The following SEH1L variants were observed in gnomAD, a reference collection of about 807,000 sequenced individuals.
SEH1L encodes the protein nucleoporin SEH1.
In SEH1L, 18 loss-of-function variants were observed where a neutral mutation model predicts 49.5. The observed-to-expected ratio is 0.36, with a 90% CI of 0.25 to 0.54. The LOEUF (loss-of-function observed/expected upper bound fraction) is 0.54. Among genes scored for constraint, SEH1L ranks in the 20% least tolerant of loss-of-function variants. The pLI is 0.87. For missense variants in SEH1L, 404 were observed against 528.8 expected, an observed-to-expected ratio of 0.76 and a Z score of 2.31; for synonymous variants, 169 against 178.1, an observed-to-expected ratio of 0.95 and a Z score of 0.41.
chr18:12,971,218 A>G lies in SEH1L; in HGVS notation c.587A>G (p.Lys196Arg). The G allele has an allele frequency of 6.2e-7, 1 of 1,613,890 alleles. No homozygotes were observed. ...SDDSSPNAMA[K>R]VQIFEYNENT... is the part of the protein sequence containing the mutation. ...GACAGTAGCCCCAACGCAATGGCCA[A>G]GGTTCAGATTTTTGAATATAATGAA... is the stretch of plus-strand genomic sequence containing the variant. Residue 196 changes from lysine (K) to arginine (R), a missense_variant, in exon 5 of 9, where the codon AAG becomes AGG. Lys to Arg is a conservative substitution (Grantham distance 26, BLOSUM62 2). This residue lies in a region of SEH1L where 342 missense variants were observed against 430.8 expected (regional missense o/e 0.79). Coordinates refer to ENST00000399892, the MANE Select transcript of SEH1L (RefSeq NM_001013437.2).
intron 5 of SEH1L, chr18:12,977,105 G>C (rs1230706519): frequency 6.6e-6 from 1 of 152,274 alleles, no homozygotes; most frequent in Non-Finnish European, 1.5e-5. Flanking sequence ...GATTGCTTAG[G>C]GTGATTGGAT....
chr18:12,949,756 G>A (rs114127185), intron 1 of SEH1L, among the ~76,000 whole-genome samples: 2,693 of 151,994 alleles, frequency 0.018, 75 homozygotes, highest in African/African-American at 0.061. Flanking sequence ...CCCGGCCCAC[G>A]TTAACCGTTT....
At chr18:12,983,345 G>A (rs1321584030) in intron 7 of SEH1L, 1 of 152,206 alleles carries the variant, frequency 6.6e-6, no homozygotes, top group Non-Finnish European at 1.5e-5. Flanking sequence ...GTGCAGTTTG[G>A]GTAAGCTTGA....
chr18:12,961,233 T>G (rs569592763), intron 3 of SEH1L, among the ~76,000 whole-genome samples: 32 of 152,192 alleles, frequency 2.1e-4, no homozygotes, highest in Non-Finnish European at 3.8e-4. Flanking sequence ...TCAGTTAAGC[T>G]CCACCATTTT....
At chr18:12,966,715 A>G (rs146815628) in intron 4 of SEH1L, among the ~76,000 whole-genome samples, 122 of 152,266 alleles carry the variant, frequency 8.0e-4, no homozygotes, top group African/African-American at 2.9e-3. Context: ...CCTGCTTGAC[A>G]CTCAGTGGTC....
chr18:12,981,064 C>T (rs1347998851), intron 6 of SEH1L, among the ~76,000 whole-genome samples: 10 of 150,062 alleles, frequency 6.7e-5, no homozygotes, highest in South Asian at 2.1e-4. Context: ...ACTTCTCAGA[C>T]GGGGCGGTTG....
chr18:12,977,268 G>C (rs998325367), intron 5 of SEH1L: 5 of 152,226 alleles, frequency 3.3e-5, no homozygotes, highest in Non-Finnish European at 7.3e-5. Flanking sequence ...CATGCAGGGG[G>C]TTAGGTGCTG....
At chr18:12,964,535 A>G (rs1255075768) in intron 4 of SEH1L, 1 of 151,958 alleles carries the variant, frequency 6.6e-6, no homozygotes, top group African/African-American at 2.4e-5. Flanking sequence ...TGATGTTGAT[A>G]GTTGTTGGAG....
rs144993255 is a variant in SEH1L, at chr18:12,984,098, C to A, written c.978C>A (p.Val326=). Residue 326 remains valine (V), a synonymous_variant, in exon 8 of 9, where the codon GTC becomes GTA. Coordinates refer to ENST00000399892, the MANE Select transcript of SEH1L (RefSeq NM_001013437.2). ...TGILKGNGSP[V]NGSSQQGTSN... The stretch of plus-strand genomic sequence containing the variant: ...TTTTGAAAGGTAATGGGAGCCCAGT[C>A]AATGGGAGTTCTCAGCAGGGAACCT... The A allele has an allele frequency of 3.3e-5, 53 of 1,613,710 alleles. No individual in the cohort carries two copies. Among genetic ancestry groups the A allele is most frequent in the Non-Finnish European group, 4.3e-5 (51 of 1,179,604 alleles).
chr18:12,982,770 C>CA, intron 7 of SEH1L, 95 bp downstream of exon 7: 1 of 933,866 alleles, frequency 1.1e-6, no homozygotes, highest in South Asian at 2.0e-5. Context: ...TGAAAATGGT[C>CA]TTTTACAGTT....
chr18:12,982,902 T>A (rs2032327782), intron 7 of SEH1L: 1 of 371,316 alleles, frequency 2.7e-6, no homozygotes, highest in Non-Finnish European at 4.9e-6. Context: ...CTAAAGTAAT[T>A]ACAACAGAAT....
At chr18:12,954,248 C>T (rs1270131324) in intron 2 of SEH1L, among the ~76,000 whole-genome samples, 1 of 152,202 alleles carries the variant, frequency 6.6e-6, no homozygotes, top group South Asian at 2.1e-4. Flanking sequence ...CTGAGAAGCA[C>T]CTAGCAAATT....
rs972462607 is a variant in SEH1L, at chr18:12,982,437, G to A, written c.762-81G>A. Reference sequence around the variant, plus strand: ...CTTGTATTAATTTAGAATTTTACGTGTGTATATATATATGTGTGTGTATAT... The same window carrying A: ...CTTGTATTAATTTAGAATTTTACGTATGTATATATATATGTGTGTGTATAT... On this transcript the variant is annotated intron_variant, in intron 6 of 8. Coordinates refer to ENST00000399892, the MANE Select transcript of SEH1L (RefSeq NM_001013437.2). 4.1e-6 allele frequency: 4 copies of A among 965,564 alleles called. No homozygotes were observed. The African/African-American group carries it at 6.7e-5, about 16-fold the overall frequency. 59.8% of individuals were successfully genotyped at this position (965,564 alleles called of 1,614,324 possible).
In SEH1L at chr18:12,958,844, C is replaced by T. The variant is rs76690218; in HGVS notation, c.309+3235C>T. On this transcript the variant is annotated intron_variant, in intron 3 of 8. Transcript: ENST00000399892. ...AGATAAATGTTTGAGACCGTGCTTT[C>T]GATTCTTTTGGAAATATACCTAGGA... is the stretch of plus-strand genomic sequence containing the variant. Among the ~76,000 whole-genome samples, 1,041 of 152,256 alleles carry T rather than the reference C, an allele frequency of 6.8e-3. 16 individuals carry two copies. Among genetic ancestry groups the T allele is most frequent in the East Asian group, 0.05 (259 of 5,188 alleles).
At chr18:12,950,252 T>G (rs1262926087) in intron 1 of SEH1L, among the ~76,000 whole-genome samples, 1 of 152,092 alleles carries the variant, frequency 6.6e-6, no homozygotes, top group African/African-American at 2.4e-5. Context: ...CCCAGGCTAG[T>G]CTCGAACTCC....
intron 4 of SEH1L, 29 bp from the exon 5 acceptor site, chr18:12,971,124 T>A: frequency 6.8e-7 from 1 of 1,467,154 alleles, no homozygotes. Context: ...TCTTTTGTTA[T>A]CTAAAATGTT....
At position 12,984,025 on chromosome 18, in the gene SEH1L, T is replaced by G. The variant is rs1238890880; in HGVS notation, c.920-15T>G. The G allele has an allele frequency of 6.2e-7, 1 of 1,606,718 alleles. No homozygotes were observed. Among genetic ancestry groups the G allele is most frequent in the South Asian group, 1.1e-5 (1 of 90,830 alleles). ...GTATTAATCATGTTAATGTATTTGA[T>G]TATTTTCCTTTCAGCTAATTATATG... On this transcript the variant is annotated splice_polypyrimidine_tract_variant and intron_variant, in intron 7 of 8. Coordinates refer to ENST00000399892, the MANE Select transcript of SEH1L (RefSeq NM_001013437.2).
intron 6 of SEH1L, among the ~76,000 whole-genome samples, chr18:12,980,047 T>G (rs1598976719): frequency 1.3e-5 from 1 of 78,216 alleles, no homozygotes; most frequent in Admixed American, 1.4e-4. Context: ...CCCCCCCACC[T>G]CCCTCCTGGA....
intron 4 of SEH1L, among the ~76,000 whole-genome samples, chr18:12,966,877 G>T (rs1375914782): frequency 6.6e-6 from 1 of 151,916 alleles, no homozygotes; most frequent in Admixed American, 6.6e-5. Flanking sequence ...ATTGTTTGGA[G>T]ATTTAGTACT....
Sources: allele counts gnomAD v4.1 joint callset (sites outside exome capture counted in the v4.1 genomes callset), GRCh38; gene constraint gnomAD v4.1.1; regional missense constraint gnomAD v4.1.1; transcripts MANE v1.5; gene names NCBI Gene and HGNC (gene_info 2026-07-23, HGNC 2026-07-21).